The following ZNF804B variants were observed in gnomAD, a reference collection of about 807,000 sequenced individuals.
ZNF804B encodes the protein zinc finger 804B.
ZNF804B carries 80 observed loss-of-function variants against 101.4 expected under a neutral mutation model. That is an observed-to-expected ratio of 0.79 (90% CI 0.66 to 0.95). The LOEUF (loss-of-function observed/expected upper bound fraction) is 0.95. ZNF804B is among the 40% of genes least tolerant of loss of function. ZNF804B has a pLI of 0.00. For missense variants in ZNF804B, 1,673 were observed against 1,561.9 expected, an observed-to-expected ratio of 1.07 and a Z score of -1.20; for synonymous variants, 622 against 558.8, an observed-to-expected ratio of 1.11 and a Z score of -1.59.
intron 2 of ZNF804B, among the ~76,000 whole-genome samples, chr7:89,250,513 C>A (rs1197824333): frequency 6.6e-6 from 1 of 152,124 alleles, no homozygotes; most frequent in Non-Finnish European, 1.5e-5. Flanking sequence ...ACCAGACATA[C>A]AAATAAGAGC....
chr7:89,006,913 T>C (rs1336020990), intron 1 of ZNF804B, among the ~76,000 whole-genome samples: 1 of 152,168 alleles, frequency 6.6e-6, no homozygotes, highest in Non-Finnish European at 1.5e-5. Context: ...CAGAAGGTGT[T>C]CCTTCTTCAT....
intron 2 of ZNF804B, among the ~76,000 whole-genome samples, chr7:89,239,061 A>T (rs1214098258): frequency 2.0e-5 from 3 of 152,176 alleles, no homozygotes; most frequent in East Asian, 1.9e-4. Context: ...TTATGTTTTT[A>T]AAAATAGCTA....
rs149245309 is a variant in ZNF804B at position 89,045,069 on chromosome 7, T to C, written c.109-173086T>C. On this transcript the variant is annotated intron_variant, in intron 1 of 3. Transcript: ENST00000333190. ...TCTCTGCAGTTGGGACATGGTGTCC[T>C]GTGTCCCAGCTGATTCAGCTCCAGC... Among the ~76,000 whole-genome samples the C allele has an allele frequency of 1.7e-3, 252 of 152,300 alleles. 2 individuals carry two copies. The highest frequency in any genetic ancestry group is 5.7e-3 in the African/African-American group (235 of 41,574).
chr7:88,978,388 A>G (rs965160640), intron 1 of ZNF804B, among the ~76,000 whole-genome samples: 1 of 151,750 alleles, frequency 6.6e-6, no homozygotes, highest in Non-Finnish European at 1.5e-5. Context: ...TTTGCTTTGT[A>G]TATCTGAGTG....
chr7:88,856,120 A>G (rs925155122), intron 1 of ZNF804B, among the ~76,000 whole-genome samples: 2 of 152,242 alleles, frequency 1.3e-5, no homozygotes, highest in Non-Finnish European at 2.9e-5. Context: ...ACTTTAAAGT[A>G]GTTTTTTCCA....
At chr7:89,240,962 A>T (rs1789360155) in intron 2 of ZNF804B, among the ~76,000 whole-genome samples, 1 of 152,074 alleles carries the variant, frequency 6.6e-6, no homozygotes. Flanking sequence ...TTGCTATTCC[A>T]AACTCTACAG....
At chr7:88,842,778 A>G (rs1434833971) in intron 1 of ZNF804B, among the ~76,000 whole-genome samples, 1 of 152,226 alleles carries the variant, frequency 6.6e-6, no homozygotes, top group Non-Finnish European at 1.5e-5. Flanking sequence ...CACAAATGGT[A>G]TAACCTGACC....
intron 1 of ZNF804B, among the ~76,000 whole-genome samples, chr7:89,076,299 G>T (rs1026686753): frequency 6.6e-6 from 1 of 152,122 alleles, no homozygotes; most frequent in African/African-American, 2.4e-5. Flanking sequence ...GGAACCCAGT[G>T]GGCGGGTCTT....
rs10225226 is a variant in ZNF804B, at chr7:88,897,773, A to G, written c.108+137689A>G. On this transcript the variant is annotated intron_variant, in intron 1 of 3. Transcript: ENST00000333190. ...CTTTCAGCTCTAATACTGCCAGATT[A>G]GTGCAGTGGTCCTGGAGTTAAGCTG... is the stretch of plus-strand genomic sequence containing the variant. 2.1e-3 allele frequency among the ~76,000 whole-genome samples: 316 copies of G among 152,242 alleles called. 3 individuals carry two copies. Among genetic ancestry groups the G allele is most frequent in the African/African-American group, 7.3e-3 (304 of 41,558 alleles).
intron 1 of ZNF804B, among the ~76,000 whole-genome samples, chr7:88,876,569 T>G (rs1280025625): frequency 6.6e-6 from 1 of 152,174 alleles, no homozygotes; most frequent in East Asian, 1.9e-4. Flanking sequence ...CAATGAGTTC[T>G]CTGACCACTA....
intron 2 of ZNF804B, among the ~76,000 whole-genome samples, chr7:89,233,415 T>G (rs56316142): frequency 0.29 from 44,058 of 152,080 alleles, 6,600 homozygotes; most frequent in South Asian, 0.34. Context: ...ATAATGTATT[T>G]TTTATGAAAT....
At chr7:88,948,125 T>G (rs925835075) in intron 1 of ZNF804B, among the ~76,000 whole-genome samples, 1 of 151,820 alleles carries the variant, frequency 6.6e-6, no homozygotes, top group African/African-American at 2.4e-5. Context: ...CCAGATCTCC[T>G]TGATAACCGG....
chr7:89,220,910 A>T (rs186762084), intron 2 of ZNF804B, among the ~76,000 whole-genome samples: 5 of 152,090 alleles, frequency 3.3e-5, no homozygotes, highest in Non-Finnish European at 4.4e-5. Context: ...ACTCACTGTT[A>T]TCTTTCAACA....
At chr7:89,020,527 A>T (rs2116213732) in intron 1 of ZNF804B, among the ~76,000 whole-genome samples, 1 of 152,244 alleles carries the variant, frequency 6.6e-6, no homozygotes, top group South Asian at 2.1e-4. Flanking sequence ...TTAGACTATA[A>T]TCTGTCTCAG....
chr7:88,994,594 T>G (rs2116159852), intron 1 of ZNF804B, among the ~76,000 whole-genome samples: 1 of 152,206 alleles, frequency 6.6e-6, no homozygotes, highest in Middle Eastern at 3.4e-3. Context: ...TATATTCAGG[T>G]TATATCCAAC....
intron 2 of ZNF804B, among the ~76,000 whole-genome samples, chr7:89,260,957 A>C (rs1789704157): frequency 6.6e-6 from 1 of 152,182 alleles, no homozygotes; most frequent in African/African-American, 2.4e-5. Context: ...TGCACTAAGC[A>C]CAATAAAAAT....
intron 2 of ZNF804B, among the ~76,000 whole-genome samples, chr7:89,250,245 C>T (rs1405683835): frequency 6.6e-6 from 1 of 151,684 alleles, no homozygotes; most frequent in Non-Finnish European, 1.5e-5. Flanking sequence ...TCGGAAATGA[C>T]AAACGTGATG....
intron 1 of ZNF804B, among the ~76,000 whole-genome samples, chr7:88,919,795 T>G (rs889332590): frequency 1.3e-5 from 2 of 152,128 alleles, no homozygotes; most frequent in Non-Finnish European, 2.9e-5. Context: ...GCGTAAGTTC[T>G]GAGACAGGCC....
chr7:88,950,290 G>A (rs1390414525), intron 1 of ZNF804B, among the ~76,000 whole-genome samples: 3 of 151,730 alleles, frequency 2.0e-5, no homozygotes, highest in African/African-American at 7.3e-5. Flanking sequence ...AATTTAATTA[G>A]ATTGTCTATT....
Sources: allele counts gnomAD v4.1 joint callset (sites outside exome capture counted in the v4.1 genomes callset), GRCh38; gene constraint gnomAD v4.1.1; transcripts MANE v1.5; gene names NCBI Gene and HGNC (gene_info 2026-07-23, HGNC 2026-07-21).